Variants in CGGBP1 observed in about 807,000 individuals in gnomAD.
CGGBP1 encodes the protein CGG triplet repeat binding protein 1, also known as CGG triplet repeat-binding protein 1.
CGGBP1 carries 4 observed loss-of-function variants against 11.4 expected under a neutral mutation model. That is an observed-to-expected ratio of 0.35 (90% confidence interval 0.17 to 0.80). CGGBP1 has a LOEUF of 0.80. Ranked by LOEUF, CGGBP1 falls within the 30% of genes least tolerant of loss-of-function variation. The probability of loss-of-function intolerance (pLI) is 0.52; values close to 1 mark genes in which losing one functional copy is unlikely to be tolerated. For missense variants in CGGBP1, 135 were observed against 202.1 expected, an observed-to-expected ratio of 0.67 and a Z score of 2.01; for synonymous variants, 76 against 74.1, an observed-to-expected ratio of 1.03 and a Z score of -0.13.
At chr3:88,122,714 A>T (rs1464032173) in intron 2 of CGGBP1, among the ~76,000 whole-genome samples, 15 of 152,094 alleles carry the variant, frequency 9.9e-5, no homozygotes, top group Non-Finnish European at 2.2e-4. Flanking sequence ...ATTCTAGAAA[A>T]ATACAATATG....
chr3:88,074,344 CT>C (rs60776911), intron 2 of CGGBP1, among the ~76,000 whole-genome samples: 29 of 137,586 alleles, frequency 2.1e-4, no homozygotes, highest in African/African-American at 3.5e-4. Flanking sequence ...TTATATCTTA[CT>C]TTTTTTTTTT....
At chr3:88,146,431 T>C (rs555809822) in intron 1 of CGGBP1, among the ~76,000 whole-genome samples, 3 of 152,204 alleles carry the variant, frequency 2.0e-5, no homozygotes, top group Non-Finnish European at 4.4e-5. Context: ...CAAACCGCTC[T>C]AATTGGGAGG....
chr3:88,081,086 A>G (rs1327681645), intron 2 of CGGBP1, among the ~76,000 whole-genome samples: 1 of 152,030 alleles, frequency 6.6e-6, no homozygotes. Flanking sequence ...CTGATCAGTT[A>G]TTAATATTTT....
intron 1 of CGGBP1, among the ~76,000 whole-genome samples, chr3:88,146,744 C>G (rs1707320230): frequency 6.6e-6 from 1 of 152,164 alleles, no homozygotes; most frequent in African/African-American, 2.4e-5. Context: ...TGGTTGTTCA[C>G]CTTTTTGCCT....
chr3:88,057,687 T>A (rs1354723710), intron 2 of CGGBP1: 5 of 152,262 alleles, frequency 3.3e-5, no homozygotes. Context: ...AAGTCTTGTA[T>A]CTTTAAATAT....
intron 2 of CGGBP1, among the ~76,000 whole-genome samples, chr3:88,106,816 T>C (rs1421778954): frequency 6.6e-6 from 1 of 152,196 alleles, no homozygotes; most frequent in Non-Finnish European, 1.5e-5. Flanking sequence ...GATTTTTTTT[T>C]CTGATATTTG....
rs1707927971 is a variant in CGGBP1, at chr3:88,078,517, A to AG, written c.-228-20295dup. ...CTGAAGAGATGCTGTTAGTTTAGATAGGGGCAAATATTCTGTTTTCCAAAA... is the reference window on the plus strand; with the variant it reads ...CTGAAGAGATGCTGTTAGTTTAGATAGGGGGCAAATATTCTGTTTTCCAAAA... On this transcript the variant is annotated intron_variant, in intron 2 of 3. Transcript: ENST00000462901. Among the ~76,000 whole-genome samples the AG allele has an allele frequency of 1.3e-5, 2 of 152,186 alleles. 1 individual carries two copies. The highest frequency in any genetic ancestry group is 4.1e-4 in the South Asian group (2 of 4,834).
In CGGBP1 at chr3:88,139,556, A is replaced by C; in HGVS notation, c.-229+1414T>G. The C allele has an allele frequency of 1.9e-6, 3 of 1,613,566 alleles. No homozygotes were observed. In the South Asian group the frequency reaches 3.3e-5, roughly 18 times the overall value. Reference sequence around the variant, plus strand: ...GTTCTAGTTCTTCCATTTCATTTGAAAATGGGAATTCTGATAGTAAGGATT... The same window carrying C: ...GTTCTAGTTCTTCCATTTCATTTGACAATGGGAATTCTGATAGTAAGGATT... On this transcript the variant is annotated intron_variant, in intron 2 of 3. Transcript: ENST00000462901.
At chr3:88,085,329 A>G (rs373438596) in intron 2 of CGGBP1, among the ~76,000 whole-genome samples, 9 of 152,232 alleles carry the variant, frequency 5.9e-5, no homozygotes, top group African/African-American at 2.2e-4. Flanking sequence ...AGCCACAGAC[A>G]ATACATAAAT....
chr3:88,113,077 C>CA, intron 2 of CGGBP1: 1 of 1,347,838 alleles, frequency 7.4e-7, no homozygotes, highest in Non-Finnish European at 1.0e-6. Flanking sequence ...GAGCAAAACT[C>CA]AAAGAAGCAA....
intron 1 of CGGBP1, chr3:88,141,530 C>T (rs879092011): frequency 5.0e-5 from 33 of 661,132 alleles, no homozygotes; most frequent in Admixed American, 7.3e-5. Flanking sequence ...GCTTGTCTGT[C>T]TACTAATATC....
chr3:88,059,865 C>T (rs1023260623), upstream of CGGBP1, among the ~76,000 whole-genome samples: 2 of 152,152 alleles, frequency 1.3e-5, no homozygotes, highest in African/African-American at 4.8e-5. Flanking sequence ...GTCTTTCTCA[C>T]CTCATTTGGC....
chr3:88,129,321 TAAAA>T (rs11370327), intron 2 of CGGBP1, among the ~76,000 whole-genome samples: 21 of 76,948 alleles, frequency 2.7e-4, no homozygotes, highest in Admixed American at 9.5e-4. Context: ...TTGCCAGGAG[TAAAA>T]AAAAAAAAAA....
upstream of CGGBP1, among the ~76,000 whole-genome samples, chr3:88,060,471 C>G (rs972973118): frequency 2.0e-5 from 3 of 152,132 alleles, no homozygotes; most frequent in Non-Finnish European, 4.4e-5. Context: ...TTTTTGCAAG[C>G]TATTTTGGGG....
At chr3:88,101,093 A>T (rs1458337012) in intron 2 of CGGBP1, among the ~76,000 whole-genome samples, 1 of 152,134 alleles carries the variant, frequency 6.6e-6, no homozygotes, top group African/African-American at 2.4e-5. Context: ...CTCCTTACCC[A>T]TTGCTAGTTA....
intron 2 of CGGBP1, among the ~76,000 whole-genome samples, chr3:88,088,082 T>C (rs556028909): frequency 2.0e-5 from 3 of 152,354 alleles, no homozygotes; most frequent in Non-Finnish European, 4.4e-5. Context: ...ACTCAACCTA[T>C]ACTACTTTTT....
intron 2 of CGGBP1, among the ~76,000 whole-genome samples, chr3:88,078,250 A>G (rs1707916927): frequency 1.3e-5 from 2 of 152,196 alleles, no homozygotes; most frequent in South Asian, 4.1e-4. Flanking sequence ...ATCAACTGGT[A>G]TGAATGAAGG....
Position 88,109,577 on chromosome 3 carries a change from A to G in CGGBP1, c.-229+31393T>C, listed in dbSNP as rs566241958. Among the ~76,000 whole-genome samples, 3 of 152,266 alleles carry G rather than the reference A, an allele frequency of 2.0e-5. No homozygotes were observed. The South Asian group carries it at 6.2e-4, about 32-fold the overall frequency. ...CTTGTATTTTAGTGTAAAAATTACT[A>G]ATATGCTACAGAAATCCAAAAAAGA... On this transcript the variant is annotated intron_variant, in intron 2 of 3. Transcript: ENST00000462901.
At chr3:88,099,122 G>T (rs1385805456) in intron 2 of CGGBP1, among the ~76,000 whole-genome samples, 2 of 152,100 alleles carry the variant, frequency 1.3e-5, no homozygotes, top group Non-Finnish European at 2.9e-5. Context: ...AAGCTGATAG[G>T]CAACTTCAGC....
Sources: allele counts gnomAD v4.1 joint callset (sites outside exome capture counted in the v4.1 genomes callset), GRCh38; gene constraint gnomAD v4.1.1; transcripts MANE v1.5; gene names NCBI Gene and HGNC (gene_info 2026-07-23, HGNC 2026-07-21).